MYOF: variants seen among roughly 807,000 people sequenced by gnomAD.
MYOF encodes fer-1-like 3, myoferlin.
In MYOF, 244 loss-of-function variants were observed where a neutral mutation model predicts 284.2. The observed-to-expected ratio is 0.86, with a 90% confidence interval of 0.77 to 0.95. The LOEUF (loss-of-function observed/expected upper bound fraction) is 0.95. Ranked by LOEUF, MYOF falls within the 40% of genes least tolerant of loss-of-function variation. The probability of loss-of-function intolerance (pLI) is 0.00; values close to 1 mark genes in which losing one functional copy is unlikely to be tolerated. For missense variants in MYOF, 2,496 were observed against 2,560.6 expected, an observed-to-expected ratio of 0.97 and a Z score of 0.54; for synonymous variants, 904 against 919.7, an observed-to-expected ratio of 0.98 and a Z score of 0.31.
At chr10:93,409,817 G>T in intron 5 of MYOF, 78 bp from the exon 6 acceptor site, 1 of 1,530,060 alleles carries the variant, frequency 6.5e-7, no homozygotes, top group South Asian at 1.2e-5. Flanking sequence ...TCCAGGACAC[G>T]GTTTTGTCTG....
intron 3 of MYOF, among the ~76,000 whole-genome samples, chr10:93,434,418 A>C (rs551067402): frequency 7.7e-6 from 1 of 130,296 alleles, no homozygotes; most frequent in Admixed American, 8.4e-5. Context: ...GCAACAGAGC[A>C]AGACCCTGTC....
intron 18 of MYOF, among the ~76,000 whole-genome samples, chr10:93,388,498 C>T (rs767028188): frequency 2.2e-4 from 33 of 152,308 alleles, no homozygotes; most frequent in African/African-American, 6.0e-4. Context: ...CTGGAAAGGA[C>T]GGAAGGGTCC....
At chr10:93,327,901 G>A (rs1171382504) in intron 45 of MYOF, among the ~76,000 whole-genome samples, 1 of 152,018 alleles carries the variant, frequency 6.6e-6, no homozygotes, top group South Asian at 2.1e-4. Context: ...GGGATTACAG[G>A]TGCATGCCAC....
rs1394812047 is a variant in MYOF, at chr10:93,379,918, T to G, written c.1946A>C (p.Asp649Ala). 1 of 1,614,104 alleles carries G rather than the reference T, an allele frequency of 6.2e-7. No individual in the cohort carries two copies. The highest frequency in any genetic ancestry group is 1.7e-5 in the Admixed American group (1 of 60,018). ...CACCGCATCCAGGCGATGACTAATATCCTCCCAGTATGAAGTCAGGGTAAC... is the reference window on the plus strand; with the variant it reads ...CACCGCATCCAGGCGATGACTAATAGCCTCCCAGTATGAAGTCAGGGTAAC... ...PVVTLTSYWEDISHRLDAVNT... is the reference protein window; with the variant it reads ...PVVTLTSYWEAISHRLDAVNT... The change falls in exon 21 of 54, where the codon GAT becomes GCT. Residue 649 changes from aspartate (D) to alanine (A), a missense_variant. Asp to Ala is a moderately radical substitution (Grantham distance 126, BLOSUM62 -2). This residue lies in a region of MYOF where 2,436 missense variants were observed against 2,480.7 expected (regional missense o/e 0.98). Coordinates refer to ENST00000359263, the MANE Select transcript of MYOF (RefSeq NM_013451.4).
At chr10:93,474,158 C>A (rs2134396869) in intron 1 of MYOF, among the ~76,000 whole-genome samples, 1 of 152,258 alleles carries the variant, frequency 6.6e-6, no homozygotes, top group South Asian at 2.1e-4. Flanking sequence ...TTAGTGCCTT[C>A]CTTCTGATTC....
At chr10:93,400,177 T>C (rs187856481) in intron 12 of MYOF, among the ~76,000 whole-genome samples, 315 of 152,266 alleles carry the variant, frequency 2.1e-3, no homozygotes, top group African/African-American at 7.1e-3. Flanking sequence ...AATGATATAG[T>C]CCTAGTCTGT....
At chr10:93,309,186 GTTGT>G (rs1361364951) in intron 53 of MYOF, among the ~76,000 whole-genome samples, 1 of 152,144 alleles carries the variant, frequency 6.6e-6, no homozygotes, top group African/African-American at 2.4e-5. Flanking sequence ...GGTGCCCACG[GTTGT>G]TTGTTTCTGT....
At chr10:93,355,892 G>A (rs1347901546) in intron 30 of MYOF, among the ~76,000 whole-genome samples, 156 bp from the exon 31 acceptor site, 1 of 152,160 alleles carries the variant, frequency 6.6e-6, no homozygotes, top group Non-Finnish European at 1.5e-5. Context: ...ATAAGTCCCA[G>A]GATAGCAAGT....
chr10:93,406,566 C>CA (rs1036272325), intron 7 of MYOF, among the ~76,000 whole-genome samples: 1 of 92,772 alleles, frequency 1.1e-5, no homozygotes, highest in East Asian at 2.4e-4. Flanking sequence ...TGCCTCCTCC[C>CA]CACCCATCCA....
In MYOF at chr10:93,340,029, A is replaced by G. The variant is rs575782468; in HGVS notation, c.4338+124T>C. ...CGGGGGGCGGAGCCTGCAGTGAGCC[A>G]AGATCGCGCCACTGCACTCCAGCCT... On this transcript the variant is annotated intron_variant, in intron 39 of 53. Transcript: ENST00000359263. The G allele has an allele frequency of 1.1e-4, 113 of 1,027,354 alleles. 1 individual carries two copies. In the African/African-American group the frequency reaches 1.3e-3, roughly 12 times the overall value. 63.6% of individuals were successfully genotyped at this position (1,027,354 alleles called of 1,614,324 possible).
chr10:93,311,097 G>GT (rs1437498515), intron 51 of MYOF, among the ~76,000 whole-genome samples: 1 of 152,190 alleles, frequency 6.6e-6, no homozygotes, highest in Non-Finnish European at 1.5e-5. Flanking sequence ...CTGGCATTCA[G>GT]TAGGTACTCC....
At position 93,313,314 on chromosome 10, in the gene MYOF, T is replaced by C. The variant is rs1589372253; in HGVS notation, c.5699-104A>G. 8.1e-6 allele frequency: 9 copies of C among 1,112,314 alleles called. No homozygotes were observed. In the South Asian group the frequency reaches 1.4e-4, roughly 17 times the overall value. The allele number at this position is 1,112,314 out of a possible 1,614,324, so 68.9% of individuals were successfully genotyped here. On this transcript the variant is annotated intron_variant, in intron 50 of 53. Transcript: ENST00000359263. ...ATCAGGAGAGAGGCACACAGTGATT[T>C]TGAACAGGTAAATGGTGAGTTAGAG...
At chr10:93,311,006 C>CCTACA (rs541036875) in intron 51 of MYOF, among the ~76,000 whole-genome samples, 179 of 152,268 alleles carry the variant, frequency 1.2e-3, no homozygotes, top group East Asian at 4.4e-3. Flanking sequence ...ATTTATTGAG[C>CCTACA]ATTATTGTAG....
Position 93,310,524 on chromosome 10 carries a change from G to C in MYOF, c.5999+10C>G, listed in dbSNP as rs542841975. The C allele has an allele frequency of 6.8e-6, 11 of 1,612,220 alleles. No individual in the cohort carries two copies. In the African/African-American group the frequency reaches 1.5e-4, roughly 22 times the overall value. On this transcript the variant is annotated intron_variant, in intron 52 of 53. Coordinates refer to ENST00000359263, the MANE Select transcript of MYOF (RefSeq NM_013451.4). ...GTTTGGGGAGTGGGAGAACAAAGAA[G>C]GCCTCTCACTTTGGTAAGTCCAGCT...
intron 17 of MYOF, among the ~76,000 whole-genome samples, chr10:93,392,183 A>G (rs912136383): frequency 6.6e-6 from 1 of 152,220 alleles, no homozygotes; most frequent in African/African-American, 2.4e-5. Flanking sequence ...TCAATTACAT[A>G]ATTACATGAT....
chr10:93,387,902 A>T lies in MYOF; in HGVS notation c.1593T>A (p.Val531=). 6.2e-7 allele frequency: 1 copy of T among 1,613,538 alleles called. No individual in the cohort carries two copies. Among genetic ancestry groups the T allele is most frequent in the South Asian group, 1.1e-5 (1 of 91,076 alleles). The part of the protein sequence containing the change: ...DELNTGKGEG[V]AYRGRILVEL... Reference sequence around the variant, plus strand: ...CAACCAAGATCCTGCCTCTGTAGGCAACTCCTTCCCCCTGAAAGGCAATAA... The same window carrying T: ...CAACCAAGATCCTGCCTCTGTAGGCTACTCCTTCCCCCTGAAAGGCAATAA... The change falls in exon 19 of 54, where the codon GTT becomes GTA. Residue 531 remains valine, a synonymous_variant. Coordinates refer to ENST00000359263, the MANE Select transcript of MYOF (RefSeq NM_013451.4).
chr10:93,429,201 C>T (rs1298619963), intron 4 of MYOF, among the ~76,000 whole-genome samples: 1 of 152,078 alleles, frequency 6.6e-6, no homozygotes, highest in Non-Finnish European at 1.5e-5. Flanking sequence ...TGGCCCCTTC[C>T]CCCTCTTCTC....
chr10:93,437,116 A>G (rs1849160294), intron 3 of MYOF, among the ~76,000 whole-genome samples: 1 of 152,202 alleles, frequency 6.6e-6, no homozygotes, highest in South Asian at 2.1e-4. Flanking sequence ...TAGAGTTTGG[A>G]GTCGAGTCTC....
At chr10:93,387,960 A>G (rs1394259260) in intron 18 of MYOF, 47 bp from the exon 19 acceptor site, 4 of 1,465,094 alleles carry the variant, frequency 2.7e-6, no homozygotes, top group South Asian at 1.1e-5. Context: ...GCAACAGCAA[A>G]AAGAATTCTG....
Sources: allele counts gnomAD v4.1 joint callset (sites outside exome capture counted in the v4.1 genomes callset), GRCh38; gene constraint gnomAD v4.1.1; regional missense constraint gnomAD v4.1.1; transcripts MANE v1.5; gene names NCBI Gene and HGNC (gene_info 2026-07-23, HGNC 2026-07-21).